BEST2: variants seen among roughly 807,000 people sequenced by gnomAD.
BEST2 encodes the protein bestrophin-2a.
Under a neutral mutation model 49.0 loss-of-function variants are expected in BEST2, and 36 were observed. That is an observed-to-expected ratio of 0.73 (90% confidence interval 0.56 to 0.97). The LOEUF (loss-of-function observed/expected upper bound fraction) is 0.97, where lower values mean the gene tolerates loss of function less well. Ranked by LOEUF, BEST2 falls within the 50% of genes least tolerant of loss-of-function variation. The pLI is 0.00. For synonymous variants in BEST2, 335 were observed against 304.4 expected, an observed-to-expected ratio of 1.10 and a Z score of -1.05; for missense variants, 672 against 710.0, an observed-to-expected ratio of 0.95 and a Z score of 0.61.
chr19:12,752,952 G>A (rs889067267), intron 2 of BEST2, among the ~76,000 whole-genome samples: 3 of 149,870 alleles, frequency 2.0e-5, no homozygotes, highest in African/African-American at 7.4e-5. Flanking sequence ...GGGTTCAAGC[G>A]ATTCTCCTGC....
rs367629890 is a variant in BEST2 at position 12,756,094 on chromosome 19, G to A, written c.949-47G>A. ...CCGAAGGGGTCCACCCTGTGGTCCC[G>A]GCGGGTTGCCCTGCCCCCACTTTAC... is the stretch of plus-strand genomic sequence containing the variant. On this transcript the variant is annotated intron_variant, in intron 8 of 9. Transcript: ENST00000553030. The A allele has an allele frequency of 7.6e-5, 122 of 1,611,380 alleles. No individual in the cohort carries two copies. The Middle Eastern group carries it at 9.9e-4, about 13-fold the overall frequency.
chr19:12,754,191 T>C (rs1967906327), intron 3 of BEST2, among the ~76,000 whole-genome samples: 1 of 146,282 alleles, frequency 6.8e-6, no homozygotes, highest in Non-Finnish European at 1.5e-5. Flanking sequence ...TTCTTCTGCC[T>C]CAGCCTCCTG....
At chr19:12,752,005 G>C (rs534014091) in intron 1 of BEST2, 166 bp downstream of exon 1, 4 of 153,452 alleles carry the variant, frequency 2.6e-5, no homozygotes, top group Admixed American at 6.5e-5. Flanking sequence ...AAAAGGGAGT[G>C]GGGGGAGCCA....
At chr19:12,753,224 C>T in intron 2 of BEST2, 36 bp from the exon 3 acceptor site, 1 of 1,600,804 alleles carries the variant, frequency 6.2e-7, no homozygotes, top group Non-Finnish European at 8.6e-7. Flanking sequence ...ATGGAGTCAC[C>T]CTTGTGACCT....
intron 3 of BEST2, among the ~76,000 whole-genome samples, chr19:12,754,093 T>TTTTTTGG (rs1967904842): frequency 7.3e-6 from 1 of 137,810 alleles, no homozygotes. Context: ...TTTTTTTTTT[T>TTTTTTGG]GAGATGGAGT....
rs1469262399 is a variant in BEST2 at position 12,757,715 on chromosome 19, C to A, written c.1168C>A (p.Pro390Thr). 2 of 1,545,878 alleles carry A rather than the reference C, an allele frequency of 1.3e-6. No individual in the cohort carries two copies. Among genetic ancestry groups the A allele is most frequent in the South Asian group, 2.4e-5 (2 of 84,158 alleles). Residue 390 changes from proline to threonine, a missense_variant, in exon 10 of 10, where the codon CCC becomes ACC. Physicochemically the swap from Pro to Thr is conservative, Grantham distance 38 (BLOSUM62 -1). Coordinates refer to ENST00000553030, the MANE Select transcript of BEST2 (RefSeq NM_017682.3). ...DGLDGPMGEA[P>T]GDFLQRLLPA... The stretch of plus-strand genomic sequence containing the variant: ...CTTGGATGGACCGATGGGAGAGGCG[C>A]CCGGCGACTTCCTGCAGCGCCTCCT...
chr19:12,753,960 G>A (rs1056367857), intron 3 of BEST2, among the ~76,000 whole-genome samples: 5 of 150,834 alleles, frequency 3.3e-5, no homozygotes, highest in African/African-American at 7.3e-5. Context: ...GTCTGCCCAC[G>A]TGCCCCTAAC....
chr19:12,755,724 T>A lies in BEST2; in HGVS notation c.824T>A (p.Ile275Asn). 6.2e-7 allele frequency: 1 copy of A among 1,614,120 alleles called. No homozygotes were observed. Among genetic ancestry groups the A allele is most frequent in the Non-Finnish European group, 8.5e-7 (1 of 1,180,028 alleles). ...KDHDLDLCVP[I>N]FTLLQFFFYA... is the part of the protein sequence containing the mutation. ...CACGACCTAGACCTGTGTGTGCCCA[T>A]CTTCACCCTCTTGCAGTTCTTCTTC... The change falls in exon 7 of 10, where the codon ATC becomes AAC. Residue 275 changes from isoleucine to asparagine, a missense_variant. Coordinates refer to ENST00000553030, the MANE Select transcript of BEST2 (RefSeq NM_017682.3). This position sits in a 1 kb window ranked among gnomAD's most constrained non-coding sequence, Gnocchi z 4.4.
At chr19:12,753,995 T>TACTG (rs1302541034) in intron 3 of BEST2, among the ~76,000 whole-genome samples, 3 of 147,082 alleles carry the variant, frequency 2.0e-5, no homozygotes. Flanking sequence ...TCTATCCCCA[T>TACTG]ACTGGGATCC....
chr19:12,757,225 C>T (rs915540848), intron 9 of BEST2, among the ~76,000 whole-genome samples: 1 of 152,052 alleles, frequency 6.6e-6, no homozygotes, highest in Non-Finnish European at 1.5e-5. Context: ...CTAGCCTGGC[C>T]AACATGGTGA....
At position 12,755,981 on chromosome 19, in the gene BEST2, G is replaced by A. The variant is rs756896374; in HGVS notation, c.948+46G>A. The A allele has an allele frequency of 1.5e-5, 24 of 1,600,102 alleles. No individual in the cohort carries two copies. The African/African-American group carries it at 2.0e-4, about 13-fold the overall frequency. On this transcript the variant is annotated intron_variant, in intron 8 of 9. Transcript: ENST00000553030. The surrounding 1 kb of genome is among the most constrained non-coding windows in gnomAD (Gnocchi z 4.4). ...GAGACTTCCAGGTGGCGACCATCCC[G>A]GAGTGCCCAACAGGGTTCTGGTCCC...
Position 12,754,655 on chromosome 19 carries a change from C to G in BEST2, c.351C>G (p.Arg117=). The change falls in exon 4 of 10, where the codon CGC becomes CGG. Residue 117 remains arginine (R), a synonymous_variant. Coordinates refer to ENST00000553030, the MANE Select transcript of BEST2 (RefSeq NM_017682.3). ...MCVVAGTVHG[R]DDRGRLYRRT... is the part of the protein sequence containing the mutation. ...TGGTGGCGGGCACCGTGCACGGACGCGACGACCGCGGCCGCCTCTACCGGC... is the reference window on the plus strand; with the variant it reads ...TGGTGGCGGGCACCGTGCACGGACGGGACGACCGCGGCCGCCTCTACCGGC... The G allele has an allele frequency of 6.4e-7, 1 of 1,558,392 alleles. No individual in the cohort carries two copies. Among genetic ancestry groups the G allele is most frequent in the Non-Finnish European group, 8.7e-7 (1 of 1,150,864 alleles).
At position 12,752,743 on chromosome 19, in the gene BEST2, C is replaced by A; in HGVS notation, c.151C>A (p.Arg51Ser). ...CTACATGGCGCTGAGTGCTGCCTAC[C>A]GGTGAGGCTGCCCTGAGGTGCTCAT... ...GFYMALSAAY[R>S]FVLTEGQKRY... is the part of the protein sequence containing the mutation. The change falls in exon 2 of 10, where the codon CGC (arginine) becomes AGC (serine). Residue 51 changes from arginine to serine, a missense_variant and splice_region_variant. Coordinates refer to ENST00000553030, the MANE Select transcript of BEST2 (RefSeq NM_017682.3). The A allele has an allele frequency of 6.2e-7, 1 of 1,610,440 alleles. No individual in the cohort carries two copies. Among genetic ancestry groups the A allele is most frequent in the Non-Finnish European group, 8.5e-7 (1 of 1,178,944 alleles).
rs1364567159 is a variant in BEST2, at chr19:12,755,785, G to A, written c.867+18G>A. 3 of 1,613,722 alleles carry A rather than the reference G, an allele frequency of 1.9e-6. No individual in the cohort carries two copies. The highest frequency in any genetic ancestry group is 2.5e-6 in the Non-Finnish European group (3 of 1,179,740). ...GGCTCAAGGTAGGTGGGTGATCCAG[G>A]CTGGAATTTCGTGGGTGGGGCGGGC... On this transcript the variant is annotated intron_variant, in intron 7 of 9. Coordinates refer to ENST00000553030, the MANE Select transcript of BEST2 (RefSeq NM_017682.3). This position sits in a 1 kb window ranked among gnomAD's most constrained non-coding sequence, Gnocchi z 4.4.
intron 3 of BEST2, among the ~76,000 whole-genome samples, chr19:12,754,062 CT>C (rs36076549): frequency 0.017 from 914 of 54,406 alleles, 1 homozygote; most frequent in African/African-American, 0.047. Flanking sequence ...GCTGCTCTGC[CT>C]TTTTTTTTTT....
At chr19:12,754,062 CTTTTTTTTTTTTTTTTTT>C (rs36076549) in intron 3 of BEST2, among the ~76,000 whole-genome samples, 2 of 54,428 alleles carry the variant, frequency 3.7e-5, no homozygotes, top group African/African-American at 7.7e-5. Flanking sequence ...GCTGCTCTGC[CTTTTTTTTTTTTTTTTTT>C]TTTTTTTTTT....
At chr19:12,756,653 C>G (rs1173266995) in intron 9 of BEST2, 2 of 257,248 alleles carry the variant, frequency 7.8e-6, no homozygotes, top group South Asian at 1.0e-4. Flanking sequence ...TTCAGACCAG[C>G]CTGGGCAACA....
Position 12,755,032 on chromosome 19 carries a change from G to A in BEST2, c.636+1G>A. ...CAGCGCCCTTAAGCTGCTGCTCGAG[G>A]TGGGCCCAACCAGGAGGTCATTCAT... On this transcript the variant is annotated splice_donor_variant, in intron 5 of 9. Transcript: ENST00000553030. LOFTEE classifies it high-confidence loss of function. The surrounding 1 kb of genome is among the most constrained non-coding windows in gnomAD (Gnocchi z 4.4). 1 of 1,597,870 alleles carries A rather than the reference G, an allele frequency of 6.3e-7. No individual in the cohort carries two copies. The highest frequency in any genetic ancestry group is 2.2e-5 in the East Asian group (1 of 44,766).
Position 12,755,095 on chromosome 19 carries a change from C to T in BEST2, c.636+64C>T, listed in dbSNP as rs1024751854. 3.3e-6 allele frequency: 5 copies of T among 1,520,714 alleles called. No individual in the cohort carries two copies. In the Admixed American group the frequency reaches 1.1e-4, roughly 34 times the overall value. 94.2% of individuals were successfully genotyped at this position (1,520,714 alleles called of 1,614,324 possible). ...GGAAATTGTACCCCTGGAGCTGTGT[C>T]AACGGCGGCCCTCCAAGCACCCCCA... On this transcript the variant is annotated intron_variant, in intron 5 of 9. Coordinates refer to ENST00000553030, the MANE Select transcript of BEST2 (RefSeq NM_017682.3). The surrounding 1 kb of genome is among the most constrained non-coding windows in gnomAD (Gnocchi z 4.4).
Sources: gnomAD v4.1 joint callset for allele counts (sites outside exome capture counted in the v4.1 genomes callset) on GRCh38, gnomAD v4.1.1 for gene constraint, Gnocchi (gnomAD v3.1) non-coding constraint, MANE v1.5 for transcripts, NCBI Gene and HGNC (gene_info 2026-07-23, HGNC 2026-07-21) for gene names.